SMIM31: variants seen among roughly 807,000 people sequenced by gnomAD.
The protein encoded by SMIM31 is human epithelial cell program regulator.
At chr4:164,783,755 C>G (rs1199675980) in intron 2 of SMIM31, among the ~76,000 whole-genome samples, 2 of 151,938 alleles carry the variant, frequency 1.3e-5, no homozygotes. Context: ...CATCCCCCAC[C>G]TCCATCTCTG....
chr4:164,771,280 A>C (rs1732798551), intron 2 of SMIM31, among the ~76,000 whole-genome samples: 1 of 152,208 alleles, frequency 6.6e-6, no homozygotes, highest in Admixed American at 6.5e-5. Flanking sequence ...GAATCCATAA[A>C]ATCTTTTTCC....
At chr4:164,779,118 C>T (rs1050210168) in intron 2 of SMIM31, among the ~76,000 whole-genome samples, 8 of 151,970 alleles carry the variant, frequency 5.3e-5, no homozygotes, top group Admixed American at 6.6e-5. Flanking sequence ...GTCTTTTGGT[C>T]GCAGAGAAGT....
chr4:164,773,888 T>C (rs937364503), intron 2 of SMIM31, among the ~76,000 whole-genome samples: 3 of 152,120 alleles, frequency 2.0e-5, no homozygotes, highest in East Asian at 1.9e-4. Flanking sequence ...ATCATCTGGC[T>C]GGGTGCGGTG....
At chr4:164,764,504 T>A (rs1579061641) in intron 1 of SMIM31, among the ~76,000 whole-genome samples, 1 of 151,058 alleles carries the variant, frequency 6.6e-6, no homozygotes, top group African/African-American at 2.4e-5. Context: ...GAGGCGGAGG[T>A]TGCAGTGAGC....
chr4:164,784,334 CAGG>C (rs1732999517), intron 2 of SMIM31, among the ~76,000 whole-genome samples: 1 of 152,202 alleles, frequency 6.6e-6, no homozygotes, highest in Non-Finnish European at 1.5e-5. Context: ...CTGAAACAAA[CAGG>C]AGTTTTATTT....
intron 2 of SMIM31, among the ~76,000 whole-genome samples, chr4:164,793,107 G>A (rs908189473): frequency 6.6e-6 from 1 of 152,072 alleles, no homozygotes; most frequent in Non-Finnish European, 1.5e-5. Flanking sequence ...ATATACACAG[G>A]AACAGGAAAT....
intron 2 of SMIM31, among the ~76,000 whole-genome samples, chr4:164,794,460 T>C (rs956205098): frequency 6.6e-5 from 10 of 151,926 alleles, no homozygotes; most frequent in Non-Finnish European, 1.3e-4. Context: ...ATCTTTAGTG[T>C]AAAAAAACAA....
At chr4:164,771,674 T>C (rs1257018105) in intron 2 of SMIM31, among the ~76,000 whole-genome samples, 1 of 150,552 alleles carries the variant, frequency 6.6e-6, no homozygotes, top group Non-Finnish European at 1.5e-5. Flanking sequence ...CTGGGCTTGG[T>C]AGCACGCACC....
intron 1 of SMIM31, among the ~76,000 whole-genome samples, chr4:164,766,738 T>C (rs892715235): frequency 4.0e-5 from 6 of 150,392 alleles, no homozygotes; most frequent in Admixed American, 1.3e-4. Context: ...GCGGAGGTTG[T>C]AGTGAGCTGA....
At chr4:164,771,495 C>T (rs1732801131) in intron 2 of SMIM31, among the ~76,000 whole-genome samples, 1 of 152,124 alleles carries the variant, frequency 6.6e-6, no homozygotes, top group Non-Finnish European at 1.5e-5. Flanking sequence ...TTTCCATCTT[C>T]GACATAAATT....
At chr4:164,781,943 C>T (rs968510707) in intron 2 of SMIM31, among the ~76,000 whole-genome samples, 3 of 152,120 alleles carry the variant, frequency 2.0e-5, no homozygotes, top group South Asian at 2.1e-4. Flanking sequence ...CTTGATGATG[C>T]GTGATACATT....
intron 2 of SMIM31, among the ~76,000 whole-genome samples, chr4:164,783,292 G>A (rs1293495623): frequency 6.6e-6 from 1 of 151,256 alleles, no homozygotes; most frequent in Non-Finnish European, 1.5e-5. Context: ...GGGAGGCTAA[G>A]GAGGGTGAAT....
intron 2 of SMIM31, among the ~76,000 whole-genome samples, chr4:164,785,247 A>T (rs927715655): frequency 3.2e-4 from 8 of 24,916 alleles, no homozygotes; most frequent in African/African-American, 2.1e-3. Context: ...ATAAAAAATA[A>T]AAAAAAAATC....
At chr4:164,771,316 A>G (rs896378082) in intron 2 of SMIM31, among the ~76,000 whole-genome samples, 1 of 152,220 alleles carries the variant, frequency 6.6e-6, no homozygotes, top group African/African-American at 2.4e-5. Context: ...CCACTGTGTT[A>G]GTTTAAAATG....
At chr4:164,769,758 C>A (rs1269315455) in intron 1 of SMIM31, among the ~76,000 whole-genome samples, 2 of 145,420 alleles carry the variant, frequency 1.4e-5, no homozygotes, top group African/African-American at 2.5e-5. Context: ...AAAAAAAAAA[C>A]TCCTCTCCAA....
chr4:164,802,674 CAG>C lies in SMIM31; in HGVS notation c.*1483_*1484del, dbSNP rs1177129378. 1 of 152,248 alleles carries C rather than the reference CAG, an allele frequency of 6.6e-6. No homozygotes were observed. The highest frequency in any genetic ancestry group is 2.4e-5 in the African/African-American group (1 of 41,460). The allele number at this position is 152,248 out of a possible 1,614,324, so 9.4% of individuals were successfully genotyped here. On this transcript the variant is annotated 3_prime_UTR_variant, in exon 3 of 3. Coordinates refer to ENST00000507311, the MANE Select transcript of SMIM31 (RefSeq NM_001352885.1). ...ATCATAGCTCAGGTCTCCATTGCCA[CAG>C]AGTTTCAGTCATGTGAGAGACTCCC...
chr4:164,771,526 G>A (rs1035988391), intron 2 of SMIM31, among the ~76,000 whole-genome samples: 2 of 152,098 alleles, frequency 1.3e-5, no homozygotes, highest in Admixed American at 6.6e-5. Context: ...CACTTGCTGG[G>A]CGCGGTGACT....
At chr4:164,791,014 C>T (rs980206160) in intron 2 of SMIM31, among the ~76,000 whole-genome samples, 1 of 152,114 alleles carries the variant, frequency 6.6e-6, no homozygotes, top group African/African-American at 2.4e-5. Flanking sequence ...TGAAAAACTC[C>T]ATATAATAAT....
chr4:164,763,823 A>C (rs568201106), intron 1 of SMIM31, among the ~76,000 whole-genome samples: 1 of 152,340 alleles, frequency 6.6e-6, no homozygotes, highest in East Asian at 1.9e-4. Flanking sequence ...ATATGAAAAA[A>C]TCAAGTTGTA....
Sources: gnomAD v4.1 joint callset for allele counts (sites outside exome capture counted in the v4.1 genomes callset) on GRCh38, gnomAD v4.1.1 for gene constraint, MANE v1.5 for transcripts, NCBI Gene and HGNC (gene_info 2026-07-23, HGNC 2026-07-21) for gene names.